Variants in SLC16A7 observed in about 807,000 individuals in gnomAD.
SLC16A7 encodes the protein monocarboxylate transporter 2.
A neutral mutation model predicts 34.9 loss-of-function variants in SLC16A7; 33 were observed. The observed-to-expected ratio is 0.94, with a 90% CI of 0.72 to 1.26. The LOEUF (loss-of-function observed/expected upper bound fraction) is 1.26. Among genes scored for constraint, SLC16A7 ranks in the 50% most tolerant of loss-of-function variants. The pLI is 0.00. For synonymous variants in SLC16A7, 201 were observed against 206.6 expected (o/e 0.97, Z 0.23); for missense variants, 573 against 578.1 (o/e 0.99, Z 0.09).
At chr12:59,728,483 A>G (rs1372501739) in intron 3 of SLC16A7, among the ~76,000 whole-genome samples, 1 of 152,220 alleles carries the variant, frequency 6.6e-6, no homozygotes, top group Non-Finnish European at 1.5e-5. Flanking sequence ...TCAGATTACT[A>G]ACAAAAATAG....
chr12:59,730,288 C>T (rs542551110), intron 3 of SLC16A7, among the ~76,000 whole-genome samples: 1 of 150,792 alleles, frequency 6.6e-6, no homozygotes, highest in South Asian at 2.1e-4. Flanking sequence ...ACTTAATTTT[C>T]TACTCCCGTC....
intron 1 of SLC16A7, among the ~76,000 whole-genome samples, chr12:59,645,656 T>A (rs752946696): frequency 5.3e-5 from 8 of 151,984 alleles, no homozygotes; most frequent in Non-Finnish European, 1.2e-4. Context: ...ATACAGTAAA[T>A]TAGAACCACA....
chr12:59,668,956 C>A (rs1257541176), intron 2 of SLC16A7, among the ~76,000 whole-genome samples: 1 of 152,176 alleles, frequency 6.6e-6, no homozygotes, highest in East Asian at 1.9e-4. Flanking sequence ...TTAGACATGG[C>A]TTTGGTCCTC....
At chr12:59,711,533 A>C (rs1201774685) in intron 3 of SLC16A7, among the ~76,000 whole-genome samples, 1 of 152,142 alleles carries the variant, frequency 6.6e-6, no homozygotes, top group Non-Finnish European at 1.5e-5. Context: ...CATTTTGTTA[A>C]AATTTGAAAC....
intron 2 of SLC16A7, among the ~76,000 whole-genome samples, chr12:59,676,312 A>G (rs1267344365): frequency 1.3e-5 from 2 of 152,172 alleles, no homozygotes; most frequent in Non-Finnish European, 2.9e-5. Flanking sequence ...TATTGAATAT[A>G]TGTGCATTTT....
intron 1 of SLC16A7, among the ~76,000 whole-genome samples, chr12:59,600,941 G>A (rs949841467): frequency 6.6e-6 from 1 of 152,112 alleles, no homozygotes; most frequent in Non-Finnish European, 1.5e-5. Flanking sequence ...ACAACTGAAC[G>A]ACAGCTACAA....
At position 59,654,196 on chromosome 12, in the gene SLC16A7, A is replaced by C. The variant is rs964515278; in HGVS notation, c.-129-956A>C. 2.6e-5 allele frequency among the ~76,000 whole-genome samples: 4 copies of C among 151,274 alleles called. No individual in the cohort carries two copies. In the Admixed American group the frequency reaches 2.6e-4, roughly 10 times the overall value. On this transcript the variant is annotated intron_variant, in intron 1 of 5. Transcript: ENST00000547379. ...GAACAAATTTAACTAAATAATCTGT[A>C]TCTAAAGGAGTCTTTAAATAGAACC...
intron 3 of SLC16A7, among the ~76,000 whole-genome samples, chr12:59,718,024 T>C (rs1356428665): frequency 6.6e-6 from 1 of 152,182 alleles, no homozygotes; most frequent in Admixed American, 6.6e-5. Flanking sequence ...TCTAAATTTC[T>C]GTTTGGTTCC....
rs369579828 is a variant in SLC16A7 at position 59,714,565 on chromosome 12, C to CT, written c.217+9558dup. The stretch of plus-strand genomic sequence containing the variant: ...CTGGTGTCTTTCTCTCTCTCTCTCT[C>CT]TTTTTTTTTTTCCTTTTGAGATGGA... On this transcript the variant is annotated intron_variant, in intron 3 of 5. Coordinates refer to ENST00000547379, the MANE Select transcript of SLC16A7 (RefSeq NM_001270623.2). Among the ~76,000 whole-genome samples, 1,262 of 146,444 alleles carry CT rather than the reference C, an allele frequency of 8.6e-3. 6 individuals are homozygous for CT. Among genetic ancestry groups the CT allele is most frequent in the Non-Finnish European group, 0.011 (695 of 66,074 alleles).
At chr12:59,603,921 T>C (rs116726412) in intron 1 of SLC16A7, among the ~76,000 whole-genome samples, 40 of 152,328 alleles carry the variant, frequency 2.6e-4, no homozygotes, top group African/African-American at 9.6e-4. Flanking sequence ...ATTTTCTTGT[T>C]TCTACCTAGG....
At chr12:59,671,484 A>G (rs1869681157) in intron 2 of SLC16A7, among the ~76,000 whole-genome samples, 1 of 152,020 alleles carries the variant, frequency 6.6e-6, no homozygotes, top group South Asian at 2.1e-4. Context: ...TAGGATTAAA[A>G]TAGATGATTA....
intron 3 of SLC16A7, among the ~76,000 whole-genome samples, chr12:59,757,357 C>T (rs1031190608): frequency 4.6e-5 from 7 of 152,200 alleles, no homozygotes; most frequent in African/African-American, 1.7e-4. Flanking sequence ...ACCTATGTAA[C>T]AAACCTGCAC....
rs766022124 is a variant in SLC16A7, at chr12:59,775,391, G to A, written c.1096G>A (p.Val366Met). 9.3e-6 allele frequency: 15 copies of A among 1,613,970 alleles called. 1 individual carries two copies. The Admixed American group carries it at 1.0e-4, about 11-fold the overall frequency. The change falls in exon 5 of 6, where the codon GTG becomes ATG. Residue 366 changes from valine to methionine, a missense_variant. Coordinates refer to ENST00000547379, the MANE Select transcript of SLC16A7 (RefSeq NM_001270623.2). Reference sequence around the variant, plus strand: ...TCTCTTTGAAACTCTCATGGACCTCGTGGGTGCACCAAGATTTTCCAGTGC... The same window carrying A: ...TCTCTTTGAAACTCTCATGGACCTCATGGGTGCACCAAGATTTTCCAGTGC... ...SVLFETLMDL[V>M]GAPRFSSAVG...
intron 1 of SLC16A7, among the ~76,000 whole-genome samples, chr12:59,636,002 TAAAAA>T (rs5798503): frequency 2.8e-5 from 4 of 144,314 alleles, no homozygotes; most frequent in African/African-American, 1.0e-4. Flanking sequence ...TGCACTTCTG[TAAAAA>T]AAAAAAAAAA....
intron 2 of SLC16A7, among the ~76,000 whole-genome samples, chr12:59,684,842 C>G (rs1302000224): frequency 6.6e-6 from 1 of 152,086 alleles, no homozygotes; most frequent in Non-Finnish European, 1.5e-5. Context: ...CCTATTGTCA[C>G]CAAACCTGGA....
chr12:59,741,987 A>T (rs1878401057), intron 3 of SLC16A7, among the ~76,000 whole-genome samples: 1 of 152,186 alleles, frequency 6.6e-6, no homozygotes, highest in Non-Finnish European at 1.5e-5. Context: ...ACAGCAGGAA[A>T]GAACACTTAA....
In SLC16A7 at chr12:59,690,050, G is replaced by A. The variant is rs189869758; in HGVS notation, c.-30-14722G>A. On this transcript the variant is annotated intron_variant, in intron 2 of 5. Coordinates refer to ENST00000547379, the MANE Select transcript of SLC16A7 (RefSeq NM_001270623.2). ...TTTCATTCCTAGAAAGGATTCTGTGGCTTTAAAAGCTTTAGAAGGAGAAAA... is the reference window on the plus strand; with the variant it reads ...TTTCATTCCTAGAAAGGATTCTGTGACTTTAAAAGCTTTAGAAGGAGAAAA... Among the ~76,000 whole-genome samples the A allele has an allele frequency of 1.2e-3, 180 of 151,998 alleles. 4 individuals are homozygous for A. Among genetic ancestry groups the A allele is most frequent in the Admixed American group, 9.8e-3 (149 of 15,224 alleles).
chr12:59,755,743 T>C (rs535870815), intron 3 of SLC16A7, among the ~76,000 whole-genome samples: 2 of 152,280 alleles, frequency 1.3e-5, no homozygotes, highest in South Asian at 2.1e-4. Flanking sequence ...CTTCACAGAA[T>C]TGGAAAAAGC....
chr12:59,686,863 T>G (rs990460219), intron 2 of SLC16A7, among the ~76,000 whole-genome samples: 27 of 151,970 alleles, frequency 1.8e-4, no homozygotes, highest in Non-Finnish European at 2.8e-4. Context: ...TTCAAGAAAT[T>G]TATTATACAT....
Sources: gnomAD v4.1 joint callset for allele counts (sites outside exome capture counted in the v4.1 genomes callset) on GRCh38, gnomAD v4.1.1 for gene constraint, MANE v1.5 for transcripts, NCBI Gene and HGNC (gene_info 2026-07-23, HGNC 2026-07-21) for gene names.